The following SYTL2 variants were observed in gnomAD, a reference collection of about 807,000 sequenced individuals.
SYTL2 encodes the protein synaptotagmin like 2.
A neutral mutation model predicts 198.7 loss-of-function variants in SYTL2; 165 were observed. That is an observed-to-expected ratio of 0.83 (90% CI 0.73 to 0.94). The LOEUF is 0.94. SYTL2 is among the 40% of genes least tolerant of loss of function. The pLI is 0.00. For missense variants in SYTL2, 2,835 were observed against 2,582.8 expected (o/e 1.10, Z -2.12); for synonymous variants, 966 against 917.7 (o/e 1.05, Z -0.95).
chr11:85,788,324 C>T (rs760675796), intron 1 of SYTL2, among the ~76,000 whole-genome samples: 2 of 152,070 alleles, frequency 1.3e-5, no homozygotes, highest in African/African-American at 2.4e-5. Flanking sequence ...ATTCAGTCTT[C>T]GCAACAAGTT....
chr11:85,714,552 AG>A, intron 11 of SYTL2, 45 bp from the exon 12 acceptor site: 2 of 1,586,498 alleles, frequency 1.3e-6, no homozygotes, highest in Non-Finnish European at 1.7e-6. Context: ...TACAATTGTC[AG>A]AAAACATTAG....
the SYTL2 span, among the ~76,000 whole-genome samples, chr11:85,844,661 A>G: frequency 4.6e-5 from 7 of 152,316 alleles, no homozygotes; most frequent in East Asian, 1.9e-4. Flanking sequence ...AGTCACTGCA[A>G]TCTTGCAAAG....
At chr11:85,713,581 C>A (rs995780943) in intron 12 of SYTL2, among the ~76,000 whole-genome samples, 5 of 152,086 alleles carry the variant, frequency 3.3e-5, no homozygotes, top group African/African-American at 4.8e-5. Flanking sequence ...AGTCAAAGGA[C>A]CTGAGTTAAA....
In SYTL2 at chr11:85,727,030, A is replaced by G; in HGVS notation, c.2328T>C (p.Ala776=). ...KKPEVQFQQE[A]GEVPKNQVQR... ...GCACTTGGTTCTTGGGAACCTCACC[A>G]GCTTCTTGCTGGAATTGGACCTCAG... The change falls in exon 8 of 20, where the codon GCT becomes GCC. Residue 776 remains alanine (A), a synonymous_variant. Coordinates refer to ENST00000359152, the MANE Select transcript of SYTL2 (RefSeq NM_206927.4). 2.0e-6 allele frequency: 3 copies of G among 1,536,404 alleles called. No homozygotes were observed. Among genetic ancestry groups the G allele is most frequent in the Non-Finnish European group, 2.6e-6 (3 of 1,146,958 alleles).
the SYTL2 span, among the ~76,000 whole-genome samples, chr11:85,825,194 C>G: frequency 7.2e-5 from 11 of 152,032 alleles, no homozygotes; most frequent in African/African-American, 2.4e-4. Flanking sequence ...CGAGACCATC[C>G]CGGCTAAAAC....
the SYTL2 span, among the ~76,000 whole-genome samples, chr11:85,822,459 ACTC>A: frequency 6.6e-6 from 1 of 151,780 alleles, no homozygotes; most frequent in South Asian, 2.1e-4. Context: ...CTCCTGTCAA[ACTC>A]CTCCTCCTAG....
intron 6 of SYTL2, 38 bp from the exon 7 acceptor site, chr11:85,734,780 A>C: frequency 7.1e-7 from 1 of 1,405,084 alleles, no homozygotes; most frequent in Non-Finnish European, 9.8e-7. Context: ...TATCATATAG[A>C]GAGTAATATA....
chr11:85,845,147 A>C, the SYTL2 span, among the ~76,000 whole-genome samples: 2 of 152,278 alleles, frequency 1.3e-5, no homozygotes, highest in South Asian at 4.1e-4. Context: ...CTGACTCTCA[A>C]GACTGGATTA....
chr11:85,712,022 T>C (rs2086391075), intron 12 of SYTL2, among the ~76,000 whole-genome samples: 1 of 152,202 alleles, frequency 6.6e-6, no homozygotes, highest in Non-Finnish European at 1.5e-5. Context: ...ATAGTAGCTT[T>C]AAAAATTTAT....
rs1002029302 is a variant in SYTL2 at position 85,694,524 on chromosome 11, A to G, written c.*671T>C. Reference sequence around the variant, plus strand: ...AATACAGGCTTGAGACCTATTTTAGAATTAAGTCAAAACAAGCCAACAACT... The same window carrying G: ...AATACAGGCTTGAGACCTATTTTAGGATTAAGTCAAAACAAGCCAACAACT... On this transcript the variant is annotated 3_prime_UTR_variant, in exon 20 of 20. Transcript: ENST00000359152. The G allele has an allele frequency of 1.3e-5, 2 of 152,232 alleles. No homozygotes were observed. The highest frequency in any genetic ancestry group is 2.9e-5 in the Non-Finnish European group (2 of 68,042). 9.4% of individuals were successfully genotyped at this position (152,232 alleles called of 1,614,324 possible).
the SYTL2 span, among the ~76,000 whole-genome samples, chr11:85,817,120 A>G: frequency 2.6e-5 from 4 of 152,210 alleles, no homozygotes; most frequent in Non-Finnish European, 4.4e-5. Flanking sequence ...AAAATAATCC[A>G]GAATGGGGTT....
At chr11:85,834,735 A>C in the SYTL2 span, among the ~76,000 whole-genome samples, 1 of 151,132 alleles carries the variant, frequency 6.6e-6, no homozygotes, top group Non-Finnish European at 1.5e-5. Context: ...ATGTTCAGAA[A>C]AGCATATTAA....
intron 1 of SYTL2, among the ~76,000 whole-genome samples, chr11:85,770,592 C>G (rs946492297): frequency 2.0e-5 from 3 of 152,252 alleles, no homozygotes; most frequent in Non-Finnish European, 1.5e-5. Context: ...AGGACCATTC[C>G]TACCCCTTGA....
rs756702831 is a variant in SYTL2 at position 85,704,873 on chromosome 11, G to GAA, written c.6173_6174insTT (p.Pro2059SerfsTer3). 1 of 1,613,116 alleles carries GAA rather than the reference G, an allele frequency of 6.2e-7. No homozygotes were observed. ...CCGGACTCACCTTCCGCTTCAGAGGGTACCATCTCAATTGTTTATTCTGTT... is the reference window on the plus strand; with the variant it reads ...CCGGACTCACCTTCCGCTTCAGAGGGAATACCATCTCAATTGTTTATTCTGTT... On this transcript the variant is annotated frameshift_variant, in exon 16 of 20. Transcript: ENST00000359152. LOFTEE classifies it high-confidence loss of function.
the SYTL2 span, chr11:85,852,987 G>A: frequency 7.3e-5 from 23 of 313,632 alleles, no homozygotes; most frequent in African/African-American, 2.2e-4. Flanking sequence ...CCCAGCAGCC[G>A]CCCCGTCTGA....
intron 1 of SYTL2, among the ~76,000 whole-genome samples, chr11:85,767,199 G>T (rs779611303): frequency 1.3e-5 from 2 of 152,180 alleles, no homozygotes; most frequent in African/African-American, 2.4e-5. Flanking sequence ...CGTGGATGAG[G>T]AATCTGTGAT....
intron 10 of SYTL2, 33 bp downstream of exon 10, chr11:85,718,757 A>C: frequency 6.2e-7 from 1 of 1,606,252 alleles, no homozygotes; most frequent in Non-Finnish European, 8.5e-7. Context: ...AGTTAATACA[A>C]AGACAGACAC....
At chr11:85,831,898 G>T in the SYTL2 span, among the ~76,000 whole-genome samples, 1 of 146,324 alleles carries the variant, frequency 6.8e-6, no homozygotes, top group African/African-American at 2.4e-5. Context: ...AATAAATTTT[G>T]ACATAGGTAT....
At chr11:85,852,880 G>A in the SYTL2 span, 2 of 254,456 alleles carry the variant, frequency 7.9e-6, no homozygotes, top group Admixed American at 5.7e-5. Flanking sequence ...GCCCAGTCTG[G>A]GAAGTCAGGA....
Sources: allele counts gnomAD v4.1 joint callset (sites outside exome capture counted in the v4.1 genomes callset), GRCh38; gene constraint gnomAD v4.1.1; transcripts MANE v1.5; gene names NCBI Gene and HGNC (gene_info 2026-07-23, HGNC 2026-07-21).